SNTG1: variants seen among roughly 807,000 people sequenced by gnomAD.
SNTG1 encodes the protein syntrophin gamma 1, also known as gamma-1-syntrophin.
A neutral mutation model predicts 74.7 loss-of-function variants in SNTG1; 39 were observed. The observed-to-expected ratio is 0.52, with a 90% confidence interval of 0.40 to 0.68. The LOEUF is 0.68. SNTG1 is among the 30% of genes least tolerant of loss of function. The pLI, the probability that SNTG1 is intolerant of heterozygous loss-of-function variation, is 0.00. For synonymous variants in SNTG1, 254 were observed against 217.1 expected, an observed-to-expected ratio of 1.17 and a Z score of -1.49; for missense variants, 685 against 609.5, an observed-to-expected ratio of 1.12 and a Z score of -1.30.
chr8:50,626,087 T>C (rs1039231778), intron 13 of SNTG1, among the ~76,000 whole-genome samples: 1 of 152,200 alleles, frequency 6.6e-6, no homozygotes, highest in African/African-American at 2.4e-5. Flanking sequence ...TGCCAGCATA[T>C]GCTTTTTTGT....
chr8:50,184,554 CT>C (rs2083316108), intron 2 of SNTG1, among the ~76,000 whole-genome samples: 2 of 152,160 alleles, frequency 1.3e-5, no homozygotes, highest in African/African-American at 2.4e-5. Context: ...CAATCTCAAT[CT>C]CTTTTAAATG....
chr8:50,511,725 C>G (rs2094078065), intron 9 of SNTG1, among the ~76,000 whole-genome samples: 1 of 152,128 alleles, frequency 6.6e-6, no homozygotes, highest in South Asian at 2.1e-4. Context: ...TTATCAGAGA[C>G]TAGGATTGCA....
At chr8:50,100,028 G>C (rs2080065998) in intron 1 of SNTG1, among the ~76,000 whole-genome samples, 1 of 151,908 alleles carries the variant, frequency 6.6e-6, no homozygotes, top group Non-Finnish European at 1.5e-5. Context: ...TTCATCAATA[G>C]ATGACGGACA....
intron 1 of SNTG1, among the ~76,000 whole-genome samples, chr8:50,087,767 T>C (rs1204975621): frequency 1.3e-5 from 2 of 151,922 alleles, no homozygotes; most frequent in Non-Finnish European, 2.9e-5. Context: ...GAATTTATTT[T>C]ATTTATTTTT....
chr8:50,561,402 A>G (rs975864904), intron 12 of SNTG1, among the ~76,000 whole-genome samples: 1 of 152,204 alleles, frequency 6.6e-6, no homozygotes, highest in Admixed American at 6.5e-5. Context: ...TACAAATTAA[A>G]TAAATATGTA....
intron 1 of SNTG1, among the ~76,000 whole-genome samples, chr8:50,039,754 G>T (rs538751864): frequency 3.8e-4 from 58 of 152,076 alleles, no homozygotes; most frequent in African/African-American, 1.3e-3. Flanking sequence ...GTATGCTTTC[G>T]TTTTATTTCT....
rs2095696385 is a variant in SNTG1 at position 50,793,231 on chromosome 8, T to C, written c.*402T>C. On this transcript the variant is annotated 3_prime_UTR_variant, in exon 19 of 19. Coordinates refer to ENST00000642720, the MANE Select transcript of SNTG1 (RefSeq NM_018967.5). ...GACTAGTACATGTTGGGCAGAGTCA[T>C]AGGAAAACAAATGCCCTATCTTGTA... The C allele has an allele frequency of 6.5e-6, 1 of 153,382 alleles. No individual in the cohort carries two copies. The highest frequency in any genetic ancestry group is 1.5e-5 in the Non-Finnish European group (1 of 68,960). 9.5% of individuals were successfully genotyped at this position (153,382 alleles called of 1,614,324 possible). A position where few individuals can be genotyped will look rare whatever the true frequency, so the allele number is the denominator to read the frequency against.
chr8:50,475,832 G>T (rs953458427), intron 8 of SNTG1, among the ~76,000 whole-genome samples: 2 of 152,194 alleles, frequency 1.3e-5, no homozygotes, highest in Non-Finnish European at 2.9e-5. Flanking sequence ...CTTTGGAAAT[G>T]AGGAAAAATT....
chr8:50,197,293 G>C lies in SNTG1; in HGVS notation c.-28+24658G>C, dbSNP rs72640721. Among the ~76,000 whole-genome samples, 112 of 152,244 alleles carry C rather than the reference G, an allele frequency of 7.4e-4. 1 individual carries two copies. Among genetic ancestry groups the C allele is most frequent in the Middle Eastern group, 3.4e-3 (1 of 292 alleles). On this transcript the variant is annotated intron_variant, in intron 2 of 18. Coordinates refer to ENST00000642720, the MANE Select transcript of SNTG1 (RefSeq NM_018967.5). ...TGTGAATATGTAATATGTACATAAA[G>C]ATATATACATTCAAATACATTCCTG...
intron 1 of SNTG1, among the ~76,000 whole-genome samples, chr8:50,059,922 G>A (rs779365000): frequency 5.9e-5 from 9 of 152,070 alleles, no homozygotes; most frequent in Non-Finnish European, 8.8e-5. Context: ...CTACCAGCCC[G>A]TTTTTCAAAG....
At chr8:50,388,752 C>T (rs141155899) in intron 2 of SNTG1, among the ~76,000 whole-genome samples, 2 of 152,268 alleles carry the variant, frequency 1.3e-5, no homozygotes, top group Non-Finnish European at 2.9e-5. Flanking sequence ...ATGAGACCCA[C>T]CCACATTATT....
chr8:50,065,001 T>C (rs1018961524), intron 1 of SNTG1, among the ~76,000 whole-genome samples: 3 of 152,182 alleles, frequency 2.0e-5, no homozygotes, highest in Non-Finnish European at 4.4e-5. Flanking sequence ...GGACCGTGAT[T>C]GGCATACAGT....
At chr8:50,429,326 A>G (rs2093204707) in intron 4 of SNTG1, among the ~76,000 whole-genome samples, 1 of 152,150 alleles carries the variant, frequency 6.6e-6, no homozygotes, top group African/African-American at 2.4e-5. Flanking sequence ...GAGAGTTCAG[A>G]AATAAACAAA....
At chr8:50,249,178 T>C (rs947385170) in intron 2 of SNTG1, among the ~76,000 whole-genome samples, 4 of 152,194 alleles carry the variant, frequency 2.6e-5, no homozygotes, top group African/African-American at 9.6e-5. Context: ...GAGGAGGATC[T>C]TCTAGTCCTT....
At chr8:50,064,847 C>A (rs552894020) in intron 1 of SNTG1, among the ~76,000 whole-genome samples, 1 of 152,334 alleles carries the variant, frequency 6.6e-6, no homozygotes, top group East Asian at 1.9e-4. Context: ...AAATACCCTG[C>A]AACCCTTGAT....
rs903428213 is a variant in SNTG1, at chr8:50,438,468, A to C, written c.163-75A>C. On this transcript the variant is annotated intron_variant, in intron 4 of 18. Coordinates refer to ENST00000642720, the MANE Select transcript of SNTG1 (RefSeq NM_018967.5). ...CAAAAGCAAAACCCAGAAGAAAACC[A>C]AAAAAACAACAAAAAATGGTGTGTA... 2.9e-6 allele frequency: 4 copies of C among 1,393,958 alleles called. No homozygotes were observed. In the Admixed American group the frequency reaches 7.6e-5, roughly 26 times the overall value. 86.3% of individuals were successfully genotyped at this position (1,393,958 alleles called of 1,614,324 possible).
In SNTG1 at chr8:50,632,379, C is replaced by T. The variant is rs192415264; in HGVS notation, c.850-24530C>T. 4.0e-3 allele frequency among the ~76,000 whole-genome samples: 608 copies of T among 151,662 alleles called. 1 individual carries two copies. Among genetic ancestry groups the T allele is most frequent in the Middle Eastern group, 0.031 (9 of 294 alleles). Reference sequence around the variant, plus strand: ...AGGTTGGAGTGCAGTGTTGCAATCTCGGCTCACTGCAACCTCTGCCTCCTG... The same window carrying T: ...AGGTTGGAGTGCAGTGTTGCAATCTTGGCTCACTGCAACCTCTGCCTCCTG... On this transcript the variant is annotated intron_variant, in intron 13 of 18. Transcript: ENST00000642720.
intron 17 of SNTG1, among the ~76,000 whole-genome samples, chr8:50,716,482 A>C (rs764790984): frequency 6.6e-6 from 1 of 152,062 alleles, no homozygotes; most frequent in African/African-American, 2.4e-5. Context: ...GTTCTTCTTC[A>C]GATAAATTAT....
intron 1 of SNTG1, among the ~76,000 whole-genome samples, chr8:49,929,388 C>T (rs1035107704): frequency 2.6e-5 from 4 of 152,290 alleles, no homozygotes; most frequent in South Asian, 2.1e-4. Context: ...AAGGCAAGCC[C>T]GCATCTATGT....
Sources: gnomAD v4.1 joint callset for allele counts (sites outside exome capture counted in the v4.1 genomes callset) on GRCh38, gnomAD v4.1.1 for gene constraint, MANE v1.5 for transcripts, NCBI Gene and HGNC (gene_info 2026-07-23, HGNC 2026-07-21) for gene names.